DLGAP2: variants seen among roughly 807,000 people sequenced by gnomAD.
DLGAP2 encodes the protein disks large-associated protein 2.
In DLGAP2, 26 loss-of-function variants were observed where a neutral mutation model predicts 100.3. The observed-to-expected ratio is 0.26, with a 90% CI of 0.19 to 0.36. The LOEUF is 0.36. Ranked by LOEUF, DLGAP2 falls within the 10% of genes least tolerant of loss-of-function variation. The probability of loss-of-function intolerance (pLI) is 1.00; values close to 1 mark genes in which losing one functional copy is unlikely to be tolerated. For missense variants in DLGAP2, 1,858 were observed against 1,453.2 expected (o/e 1.28, Z -4.53); for synonymous variants, 886 against 630.1 (o/e 1.41, Z -6.08).
chr8:1,145,902 T>A (rs1309155731), intron 2 of DLGAP2, among the ~76,000 whole-genome samples: 1 of 151,392 alleles, frequency 6.6e-6, no homozygotes, highest in Non-Finnish European at 1.5e-5. Flanking sequence ...CTGAGAATGA[T>A]GATTTCCAAT....
chr8:972,265 G>T (rs1490351587), intron 2 of DLGAP2, among the ~76,000 whole-genome samples: 1 of 152,036 alleles, frequency 6.6e-6, no homozygotes. Flanking sequence ...AAACCTACAA[G>T]GCATGCGGAA....
chr8:1,242,986 C>T (rs1563275803), intron 2 of DLGAP2, among the ~76,000 whole-genome samples: 1 of 152,116 alleles, frequency 6.6e-6, no homozygotes, highest in Non-Finnish European at 1.5e-5. Context: ...CAAATATCAC[C>T]CCAAGCATCG....
intron 1 of DLGAP2, among the ~76,000 whole-genome samples, chr8:777,828 C>T (rs1057050440): frequency 2.6e-5 from 4 of 152,062 alleles, no homozygotes; most frequent in Admixed American, 6.6e-5. Flanking sequence ...AGTTATGTGT[C>T]TTGGAGTTGC....
chr8:753,400 C>G (rs1820841809), intron 1 of DLGAP2: 1 of 152,184 alleles, frequency 6.6e-6, no homozygotes, highest in African/African-American at 2.4e-5. Context: ...CATTCAGTCA[C>G]TAGGAAGAAT....
rs144606092 is a variant in DLGAP2 at position 1,372,041 on chromosome 8, G to C, written c.106+113158G>C. 3.3e-5 allele frequency among the ~76,000 whole-genome samples: 5 copies of C among 152,340 alleles called. No homozygotes were observed. In the East Asian group the frequency reaches 7.7e-4, roughly 24 times the overall value. Reference sequence around the variant, plus strand: ...GGTGCAGCCTGCTGTCTGTGCAGGTGGGGGGCCTGAGGCACACACTGCTCA... The same window carrying C: ...GGTGCAGCCTGCTGTCTGTGCAGGTCGGGGGCCTGAGGCACACACTGCTCA... On this transcript the variant is annotated intron_variant, in intron 3 of 14. Transcript: ENST00000637795.
At chr8:1,177,471 C>T (rs1437437600) in intron 2 of DLGAP2, among the ~76,000 whole-genome samples, 2 of 151,982 alleles carry the variant, frequency 1.3e-5, no homozygotes, top group Non-Finnish European at 2.9e-5. Flanking sequence ...TGCACGAGAC[C>T]CGATTCTGAA....
In DLGAP2 at chr8:817,247, A is replaced by G. The variant is rs574671410; in HGVS notation, c.18+79422A>G. On this transcript the variant is annotated intron_variant, in intron 1 of 14. Coordinates refer to ENST00000637795, the MANE Select transcript of DLGAP2 (RefSeq NM_001346810.2). Reference sequence around the variant, plus strand: ...TCAAGTTCTTTCTTCAGTTTGTTCTATTCTATTGCTGAGACTTTCCAGTGC... The same window carrying G: ...TCAAGTTCTTTCTTCAGTTTGTTCTGTTCTATTGCTGAGACTTTCCAGTGC... 1.6e-4 allele frequency among the ~76,000 whole-genome samples: 24 copies of G among 151,566 alleles called. No homozygotes were observed. In the South Asian group the frequency reaches 3.1e-3, roughly 20 times the overall value.
chr8:967,821 T>C (rs1433294581), intron 2 of DLGAP2, among the ~76,000 whole-genome samples: 1 of 1,160 alleles, frequency 8.6e-4, no homozygotes, highest in Non-Finnish European at 2.2e-3. Flanking sequence ...CACCACTATA[T>C]ATATATATAT....
At chr8:1,249,449 C>G (rs541652472) in intron 2 of DLGAP2, among the ~76,000 whole-genome samples, 48 of 152,314 alleles carry the variant, frequency 3.2e-4, no homozygotes, top group Admixed American at 4.6e-4. Context: ...TGTTTCTCTG[C>G]TCTTATCTAT....
At chr8:1,651,760 C>G (rs1798170475) in intron 8 of DLGAP2, among the ~76,000 whole-genome samples, 1 of 152,202 alleles carries the variant, frequency 6.6e-6, no homozygotes, top group Non-Finnish European at 1.5e-5. Context: ...CAGCAAAAAT[C>G]CTTCTGATCG....
intron 2 of DLGAP2, among the ~76,000 whole-genome samples, chr8:1,198,508 C>T (rs1797801832): frequency 6.6e-6 from 1 of 152,040 alleles, no homozygotes; most frequent in African/African-American, 2.4e-5. Context: ...GGATGAGCAT[C>T]CCCCAGAGCT....
At chr8:742,058 C>T (rs1438998502) in intron 1 of DLGAP2, among the ~76,000 whole-genome samples, 1 of 152,152 alleles carries the variant, frequency 6.6e-6, no homozygotes, top group Admixed American at 6.5e-5. Flanking sequence ...ATCATTACCC[C>T]GTGACTTTCA....
At chr8:840,743 A>G (rs1470934177) in intron 1 of DLGAP2, among the ~76,000 whole-genome samples, 4 of 149,704 alleles carry the variant, frequency 2.7e-5, no homozygotes, top group African/African-American at 9.9e-5. Context: ...GCACGCCTGC[A>G]CGTTTCCCCA....
At chr8:1,444,147 G>A (rs1296582115) in intron 3 of DLGAP2, among the ~76,000 whole-genome samples, 2 of 152,058 alleles carry the variant, frequency 1.3e-5, no homozygotes, top group South Asian at 2.1e-4. Flanking sequence ...GTGCAGTGGC[G>A]CGATCATAGC....
intron 2 of DLGAP2, among the ~76,000 whole-genome samples, chr8:1,171,430 G>T (rs1373127000): frequency 6.6e-6 from 1 of 151,952 alleles, no homozygotes; most frequent in Non-Finnish European, 1.5e-5. Flanking sequence ...TCAGTTCCTG[G>T]GTATCCTTGT....
At chr8:842,426 C>G (rs577128321) in intron 1 of DLGAP2, among the ~76,000 whole-genome samples, 1 of 152,326 alleles carries the variant, frequency 6.6e-6, no homozygotes, top group East Asian at 1.9e-4. Context: ...CAGGCACGTG[C>G]TTGAATCTGT....
At chr8:1,456,226 C>G (rs560877755) in intron 3 of DLGAP2, among the ~76,000 whole-genome samples, 44 of 152,310 alleles carry the variant, frequency 2.9e-4, no homozygotes, top group African/African-American at 1.0e-3. Context: ...GTCTCTCTGC[C>G]AAACACCGAG....
chr8:1,153,098 C>A (rs773115804), intron 2 of DLGAP2, among the ~76,000 whole-genome samples: 1 of 152,148 alleles, frequency 6.6e-6, no homozygotes, highest in Admixed American at 6.5e-5. Context: ...GAGGCCTTCT[C>A]CCCCTGCTTT....
At chr8:1,194,504 G>T (rs66509042) in intron 2 of DLGAP2, among the ~76,000 whole-genome samples, 2 of 151,942 alleles carry the variant, frequency 1.3e-5, no homozygotes, top group South Asian at 2.1e-4. Context: ...ATCCCCAGGG[G>T]TCCCTCTGGG....
Sources: allele counts gnomAD v4.1 joint callset (sites outside exome capture counted in the v4.1 genomes callset), GRCh38; gene constraint gnomAD v4.1.1; transcripts MANE v1.5; gene names NCBI Gene and HGNC (gene_info 2026-07-23, HGNC 2026-07-21).